PLCB4: variants seen among roughly 807,000 people sequenced by gnomAD.
PLCB4 encodes the protein phospholipase C beta 4.
A neutral mutation model predicts 178.8 loss-of-function variants in PLCB4; 77 were observed. That is an observed-to-expected ratio of 0.43 (90% CI 0.36 to 0.52). The LOEUF is 0.52. Ranked by LOEUF, PLCB4 falls within the 20% of genes least tolerant of loss-of-function variation. The pLI is 0.00. For missense variants in PLCB4, 1,024 were observed against 1,453.4 expected, an observed-to-expected ratio of 0.70 and a Z score of 4.80; for synonymous variants, 496 against 490.8, an observed-to-expected ratio of 1.01 and a Z score of -0.14.
chr20:9,417,900 G>A (rs980739099), intron 25 of PLCB4, among the ~76,000 whole-genome samples: 3 of 152,026 alleles, frequency 2.0e-5, no homozygotes, highest in African/African-American at 7.2e-5. Flanking sequence ...TCATCCTAGT[G>A]TATACATAGT....
chr20:9,414,548 G>A (rs2040107197), intron 25 of PLCB4, among the ~76,000 whole-genome samples: 1 of 152,192 alleles, frequency 6.6e-6, no homozygotes, highest in South Asian at 2.1e-4. Flanking sequence ...TTAGGCCTGT[G>A]GAGGCAAAGA....
intron 3 of PLCB4, among the ~76,000 whole-genome samples, chr20:9,302,248 G>A (rs1165241724): frequency 6.6e-6 from 1 of 151,920 alleles, no homozygotes; most frequent in African/African-American, 2.4e-5. Flanking sequence ...TTATAGGGTG[G>A]CCAGTTCCTC....
At chr20:9,382,340 A>C (rs2037213645) in intron 13 of PLCB4, among the ~76,000 whole-genome samples, 1 of 152,190 alleles carries the variant, frequency 6.6e-6, no homozygotes, top group Non-Finnish European at 1.5e-5. Context: ...TTTATGGTCC[A>C]CACAGCAGCC....
chr20:9,159,885 G>A (rs1049201451), intron 2 of PLCB4, among the ~76,000 whole-genome samples: 2 of 152,144 alleles, frequency 1.3e-5, no homozygotes, highest in Non-Finnish European at 1.5e-5. Flanking sequence ...TGCATGGATG[G>A]TGAAATTATT....
At chr20:9,341,384 C>T (rs1358789587) in intron 7 of PLCB4, among the ~76,000 whole-genome samples, 3 of 152,058 alleles carry the variant, frequency 2.0e-5, no homozygotes, top group Non-Finnish European at 2.9e-5. Flanking sequence ...TATTAACAGT[C>T]AATTCACATA....
intron 2 of PLCB4, among the ~76,000 whole-genome samples, chr20:9,141,486 A>T (rs764208367): frequency 6.6e-5 from 10 of 152,130 alleles, no homozygotes; most frequent in Non-Finnish European, 1.3e-4. Context: ...ATTTTGTTTT[A>T]TTTAAAGATT....
intron 1 of PLCB4, among the ~76,000 whole-genome samples, chr20:9,076,441 TG>T (rs1490387672): frequency 6.6e-6 from 1 of 152,158 alleles, no homozygotes; most frequent in Non-Finnish European, 1.5e-5. Flanking sequence ...CACTTCAGCC[TG>T]GGTGACAGAG....
chr20:9,315,520 A>C (rs2094889211), intron 4 of PLCB4, among the ~76,000 whole-genome samples: 1 of 152,176 alleles, frequency 6.6e-6, no homozygotes, highest in Non-Finnish European at 1.5e-5. Flanking sequence ...GGAGTGATAG[A>C]GGGATCAGAG....
chr20:9,160,893 A>T (rs2092877241), intron 2 of PLCB4, among the ~76,000 whole-genome samples: 1 of 152,244 alleles, frequency 6.6e-6, no homozygotes, highest in East Asian at 1.9e-4. Flanking sequence ...CATGAAAAGG[A>T]CTTTTATTAG....
At chr20:9,116,540 G>T (rs1057268283) in intron 2 of PLCB4, among the ~76,000 whole-genome samples, 1 of 152,152 alleles carries the variant, frequency 6.6e-6, no homozygotes, top group Admixed American at 6.5e-5. Context: ...AGCAAGGTGC[G>T]CTGGACATAG....
intron 1 of PLCB4, among the ~76,000 whole-genome samples, chr20:9,076,449 A>G (rs1041419405): frequency 6.6e-6 from 1 of 152,200 alleles, no homozygotes; most frequent in Non-Finnish European, 1.5e-5. Flanking sequence ...CCTGGGTGAC[A>G]GAGTGAGACT....
intron 15 of PLCB4, among the ~76,000 whole-genome samples, chr20:9,389,586 A>G (rs2037965312): frequency 6.6e-6 from 1 of 152,342 alleles, no homozygotes; most frequent in Non-Finnish European, 1.5e-5. Context: ...GGCCTGGCAG[A>G]TTAACAAGCC....
chr20:9,109,520 C>A (rs1228725412), intron 2 of PLCB4, among the ~76,000 whole-genome samples: 6 of 150,752 alleles, frequency 4.0e-5, no homozygotes, highest in African/African-American at 1.5e-4. Flanking sequence ...ATTTAATAAA[C>A]CTTTCCCCTA....
intron 2 of PLCB4, among the ~76,000 whole-genome samples, chr20:9,171,321 C>T (rs2093060117): frequency 6.6e-6 from 1 of 152,156 alleles, no homozygotes; most frequent in African/African-American, 2.4e-5. Flanking sequence ...AGACAGTTTA[C>T]GTTTCCTTGC....
chr20:9,472,477 G>A (rs1278470304), intron 36 of PLCB4, among the ~76,000 whole-genome samples: 1 of 152,154 alleles, frequency 6.6e-6, no homozygotes, highest in Non-Finnish European at 1.5e-5. Context: ...TGGGGAGAGA[G>A]GAATAAGGAA....
intron 3 of PLCB4, among the ~76,000 whole-genome samples, chr20:9,260,578 T>A (rs2094286902): frequency 6.6e-6 from 1 of 152,172 alleles, no homozygotes; most frequent in Admixed American, 6.5e-5. Context: ...TAGTTATAGA[T>A]CTACATATAC....
At chr20:9,141,240 T>C (rs1292332518) in intron 2 of PLCB4, among the ~76,000 whole-genome samples, 1 of 152,180 alleles carries the variant, frequency 6.6e-6, no homozygotes, top group Non-Finnish European at 1.5e-5. Context: ...CATTCCTATT[T>C]GTTCTCCCAT....
At chr20:9,118,113 C>T (rs1000558173) in intron 2 of PLCB4, among the ~76,000 whole-genome samples, 3 of 151,832 alleles carry the variant, frequency 2.0e-5, no homozygotes, top group African/African-American at 4.8e-5. Flanking sequence ...GTTACATGTG[C>T]ACATTGTGCA....
chr20:9,085,542 G>A (rs775356641), intron 1 of PLCB4, among the ~76,000 whole-genome samples: 2 of 152,114 alleles, frequency 1.3e-5, no homozygotes, highest in Non-Finnish European at 2.9e-5. Context: ...GCATTCTGCT[G>A]CTTCTAAAAT....
Sources: gnomAD v4.1 joint callset for allele counts (sites outside exome capture counted in the v4.1 genomes callset) on GRCh38, gnomAD v4.1.1 for gene constraint, MANE v1.5 for transcripts, NCBI Gene and HGNC (gene_info 2026-07-23, HGNC 2026-07-21) for gene names.